Variants in PPIL6 observed in about 807,000 individuals in gnomAD.
The protein encoded by PPIL6 is peptidylprolyl isomerase like 6, also known as probable inactive peptidyl-prolyl cis-trans isomerase-like 6.
PPIL6 carries 39 observed loss-of-function variants against 36.8 expected under a neutral mutation model. That is an observed-to-expected ratio of 1.06 (90% CI 0.82 to 1.38). The LOEUF is 1.38. Among genes scored for constraint, PPIL6 ranks in the 40% most tolerant of loss-of-function variants. The pLI, the probability that PPIL6 is intolerant of heterozygous loss-of-function variation, is 0.00. For synonymous variants in PPIL6, 123 were observed against 134.1 expected, an observed-to-expected ratio of 0.92 and a Z score of 0.57; for missense variants, 368 against 379.1, an observed-to-expected ratio of 0.97 and a Z score of 0.24.
chr6:109,400,837 A>AT (rs1772498385), intron 6 of PPIL6, among the ~76,000 whole-genome samples: 1 of 152,036 alleles, frequency 6.6e-6, no homozygotes, highest in Admixed American at 6.6e-5. Flanking sequence ...TTAATTGTTT[A>AT]TTTTTAGTGA....
chr6:109,410,460 G>C (rs553266999), intron 6 of PPIL6, among the ~76,000 whole-genome samples: 159 of 152,270 alleles, frequency 1.0e-3, no homozygotes, highest in African/African-American at 3.7e-3. Flanking sequence ...CCAGGATAGA[G>C]AGTTCTGTCT....
chr6:109,433,546 C>G (rs1227846603), intron 2 of PPIL6, among the ~76,000 whole-genome samples: 1 of 152,226 alleles, frequency 6.6e-6, no homozygotes, highest in African/African-American at 2.4e-5. Flanking sequence ...CTGATGGTTT[C>G]TAGGGCCTTC....
upstream of PPIL6, chr6:109,441,074 C>G (rs745886037): frequency 2.5e-6 from 4 of 1,605,074 alleles, no homozygotes; most frequent in East Asian, 2.2e-5. Context: ...CCACCGCGGC[C>G]GTCGCTGGAG....
rs1038060147 is a variant in PPIL6 at position 109,413,030 on chromosome 6, C to T, written c.688+6157G>A. 3.3e-5 allele frequency among the ~76,000 whole-genome samples: 5 copies of T among 151,968 alleles called. No homozygotes were observed. Among genetic ancestry groups the T allele is most frequent in the African/African-American group, 9.7e-5 (4 of 41,384 alleles). On this transcript the variant is annotated intron_variant, in intron 6 of 7. Coordinates refer to ENST00000521072, the MANE Select transcript of PPIL6 (RefSeq NM_173672.5). This position sits in a 1 kb window ranked among gnomAD's most constrained non-coding sequence, Gnocchi z 4.6. Reference sequence around the variant, plus strand: ...AAAATTAGCCAGGTGTAGTTATGTGCGCCTCTAATCCCAGCTATTTGGGAG... The same window carrying T: ...AAAATTAGCCAGGTGTAGTTATGTGTGCCTCTAATCCCAGCTATTTGGGAG...
chr6:109,392,948 G>GA lies in PPIL6; in HGVS notation c.825-12dup, dbSNP rs1276971047. ...CCTTCAATCAGTTGCCTACATAGGA[G>GA]AAAAAAATGGAAAATTTAGTCAGTC... On this transcript the variant is annotated splice_polypyrimidine_tract_variant and intron_variant, in intron 7 of 7. Transcript: ENST00000521072. The GA allele has an allele frequency of 5.4e-6, 8 of 1,494,338 alleles. No homozygotes were observed. The highest frequency in any genetic ancestry group is 2.3e-5 in the East Asian group (1 of 44,100). The allele number at this position is 1,494,338 out of a possible 1,614,324, so 92.6% of individuals were successfully genotyped here.
intron 6 of PPIL6, among the ~76,000 whole-genome samples, chr6:109,408,685 T>C (rs1772893976): frequency 6.6e-6 from 1 of 152,218 alleles, no homozygotes; most frequent in African/African-American, 2.4e-5. Flanking sequence ...TTAATTATAG[T>C]CTTAGCATTC....
intron 1 of PPIL6, chr6:109,440,070 C>T (rs1390888003): frequency 4.1e-5 from 11 of 265,350 alleles, no homozygotes. Context: ...TAAAAATTAG[C>T]TAGTTATATA....
chr6:109,423,411 T>C (rs1773653636), intron 5 of PPIL6, among the ~76,000 whole-genome samples: 2 of 152,100 alleles, frequency 1.3e-5, no homozygotes, highest in African/African-American at 4.8e-5. Context: ...CTTTTTTTTT[T>C]CTAAAGCCAG....
chr6:109,393,909 C>T (rs1772194469), intron 7 of PPIL6, among the ~76,000 whole-genome samples: 1 of 152,186 alleles, frequency 6.6e-6, no homozygotes, highest in African/African-American at 2.4e-5. Context: ...AGAGAAGTTC[C>T]CAGGGTTGAA....
At chr6:109,410,257 A>C (rs1218419275) in intron 6 of PPIL6, among the ~76,000 whole-genome samples, 1 of 152,032 alleles carries the variant, frequency 6.6e-6, no homozygotes, top group Non-Finnish European at 1.5e-5. Context: ...CCTGGGAAAC[A>C]CCTCTTTTGT....
At chr6:109,434,311 T>C (rs905122688) in intron 2 of PPIL6, among the ~76,000 whole-genome samples, 1 of 152,154 alleles carries the variant, frequency 6.6e-6, no homozygotes, top group African/African-American at 2.4e-5. Flanking sequence ...ATCCCAACAC[T>C]TTGGGAGGCC....
chr6:109,405,708 C>G (rs1161644051), intron 6 of PPIL6, among the ~76,000 whole-genome samples: 3 of 152,158 alleles, frequency 2.0e-5, no homozygotes, highest in African/African-American at 7.2e-5. Flanking sequence ...CATAGGAACA[C>G]ACACACCTCA....
Position 109,440,627 on chromosome 6 carries a change from G to T in PPIL6, c.-37C>A. On this transcript the variant is annotated 5_prime_UTR_variant, in exon 1 of 8. Coordinates refer to ENST00000521072, the MANE Select transcript of PPIL6 (RefSeq NM_173672.5). ...GGGACGCCCGGTGACCCCAAACACTGCGCGTCGCTCCGGCAACCGCGCGGC... is the reference window on the plus strand; with the variant it reads ...GGGACGCCCGGTGACCCCAAACACTTCGCGTCGCTCCGGCAACCGCGCGGC... 8.3e-7 allele frequency: 1 copy of T among 1,207,414 alleles called. No homozygotes were observed. The allele number at this position is 1,207,414 out of a possible 1,614,324, so 74.8% of individuals were successfully genotyped here.
At chr6:109,440,665 G>A (rs945394750), upstream of PPIL6, 3 of 1,109,568 alleles carry the variant, frequency 2.7e-6, no homozygotes, top group African/African-American at 1.7e-5. Flanking sequence ...CGCCTCCGCC[G>A]CTCGCAGGAG....
upstream of PPIL6, chr6:109,441,122 A>G (rs772863478): frequency 3.2e-5 from 51 of 1,613,990 alleles, no homozygotes; most frequent in Non-Finnish European, 4.2e-5. Flanking sequence ...CTCCCCAACC[A>G]TGAAGCCCAA....
At chr6:109,400,274 AT>A in intron 6 of PPIL6, 104 bp from the exon 7 acceptor site, 1 of 846,718 alleles carries the variant, frequency 1.2e-6, no homozygotes, top group South Asian at 2.4e-5. Flanking sequence ...TCTCAATCAT[AT>A]TTATCAATGG....
intron 6 of PPIL6, chr6:109,405,025 G>C (rs1166721043): frequency 2.6e-6 from 1 of 382,098 alleles, no homozygotes; most frequent in African/African-American, 2.2e-5. Context: ...TTGCACTCCA[G>C]CATGGGTGAC....
intron 6 of PPIL6, among the ~76,000 whole-genome samples, chr6:109,401,880 C>T (rs147007870): frequency 0.069 from 10,493 of 151,966 alleles, 423 homozygotes; most frequent in South Asian, 0.13. Context: ...CCCACCACCA[C>T]GCCCGGCTAA....
chr6:109,407,931 C>G (rs1316227244), intron 6 of PPIL6, among the ~76,000 whole-genome samples: 2 of 152,138 alleles, frequency 1.3e-5, no homozygotes, highest in Non-Finnish European at 2.9e-5. Flanking sequence ...GTAGGTGGGA[C>G]TAAAGGTGCA....
Sources: gnomAD v4.1 joint callset for allele counts (sites outside exome capture counted in the v4.1 genomes callset) on GRCh38, gnomAD v4.1.1 for gene constraint, Gnocchi (gnomAD v3.1) non-coding constraint, MANE v1.5 for transcripts, NCBI Gene and HGNC (gene_info 2026-07-23, HGNC 2026-07-21) for gene names.